DGKH: variants seen among roughly 807,000 people sequenced by gnomAD.
DGKH encodes the protein DAG kinase eta.
Under a neutral mutation model 159.3 loss-of-function variants are expected in DGKH, and 90 were observed. The ratio of observed to expected loss-of-function variants is 0.57; its 90% CI spans 0.48 to 0.67. The LOEUF is 0.67. Ranked by LOEUF, DGKH falls within the 30% of genes least tolerant of loss-of-function variation. The pLI, the probability that DGKH is intolerant of heterozygous loss-of-function variation, is 0.00. For missense variants in DGKH, 1,181 were observed against 1,506.1 expected, an observed-to-expected ratio of 0.78 and a Z score of 3.57; for synonymous variants, 536 against 553.8, an observed-to-expected ratio of 0.97 and a Z score of 0.45.
intron 1 of DGKH, among the ~76,000 whole-genome samples, chr13:42,117,891 A>G (rs1029657370): frequency 2.6e-5 from 4 of 152,128 alleles, no homozygotes; most frequent in African/African-American, 9.7e-5. Context: ...GTGAAAAGAA[A>G]CAGCCTGAAA....
intron 1 of DGKH, among the ~76,000 whole-genome samples, chr13:42,041,400 C>T (rs948280845): frequency 5.9e-5 from 9 of 152,146 alleles, no homozygotes; most frequent in Non-Finnish European, 1.5e-5. Flanking sequence ...ACCACGCCTC[C>T]GACTCCTGCC....
intron 1 of DGKH, among the ~76,000 whole-genome samples, chr13:42,126,746 C>A (rs1955178647): frequency 1.3e-5 from 2 of 152,126 alleles, no homozygotes; most frequent in Non-Finnish European, 2.9e-5. Flanking sequence ...ACCTAAAATG[C>A]CCTTCCCCCA....
chr13:42,219,705 C>T lies in DGKH; in HGVS notation c.3353C>T (p.Thr1118Ile), dbSNP rs770389136. The T allele has an allele frequency of 5.0e-6, 8 of 1,613,160 alleles. No individual in the cohort carries two copies. The South Asian group carries it at 8.8e-5, about 18-fold the overall frequency. ...NEDEEPPMDCTKRNNRSTVFR... is the reference protein window; with the variant it reads ...NEDEEPPMDCIKRNNRSTVFR... The stretch of plus-strand genomic sequence containing the variant: ...GAACAGGAACCTCCTATGGATTGCA[C>T]CAAAAGGAACAACAGAAGCACCGTA... The change falls in exon 28 of 30, where the codon ACC (threonine) becomes ATC (isoleucine). Residue 1118 changes from threonine (T) to isoleucine (I), a missense_variant. Physicochemically the swap from Thr to Ile is moderately conservative, Grantham distance 89. Coordinates refer to ENST00000337343, the MANE Select transcript of DGKH (RefSeq NM_178009.5).
intron 12 of DGKH, 22 bp downstream of exon 12, chr13:42,174,166 A>G (rs377466438): frequency 3.0e-5 from 46 of 1,543,954 alleles, no homozygotes; most frequent in Admixed American, 5.3e-5. Context: ...CCCTTTACCT[A>G]TCATTTGAAA....
chr13:42,205,642 A>G (rs1254099596), intron 20 of DGKH, among the ~76,000 whole-genome samples: 1 of 152,124 alleles, frequency 6.6e-6, no homozygotes, highest in East Asian at 1.9e-4. Flanking sequence ...GGACTGTGAG[A>G]GGGGCTAAGT....
intron 3 of DGKH, among the ~76,000 whole-genome samples, chr13:42,130,104 C>T (rs1204412459): frequency 6.6e-6 from 1 of 152,222 alleles, no homozygotes; most frequent in Non-Finnish European, 1.5e-5. Context: ...TTTCTGATCA[C>T]AGATCACATT....
intron 30 of DGKH, among the ~76,000 whole-genome samples, chr13:42,252,670 C>T (rs751724480): frequency 1.3e-5 from 2 of 152,080 alleles, no homozygotes; most frequent in African/African-American, 2.4e-5. Flanking sequence ...TGCAATTGCA[C>T]GCTAATTCTA....
At chr13:42,048,305 C>T (rs1184295877), upstream of DGKH, among the ~76,000 whole-genome samples, 1 of 150,580 alleles carries the variant, frequency 6.6e-6, no homozygotes, top group Non-Finnish European at 1.5e-5. This position sits in a 1 kb window ranked among gnomAD's most constrained non-coding sequence, Gnocchi z 6.7. Context: ...CCCCAGGGAT[C>T]GGCGTTGCCC....
intron 1 of DGKH, among the ~76,000 whole-genome samples, chr13:42,109,326 C>T (rs1017677703): frequency 2.0e-5 from 3 of 152,198 alleles, no homozygotes; most frequent in African/African-American, 7.2e-5. Flanking sequence ...AGCAGAAACT[C>T]AGTCACAGAA....
upstream of DGKH, among the ~76,000 whole-genome samples, chr13:42,047,989 G>A (rs1269108872): frequency 6.7e-6 from 1 of 148,808 alleles, no homozygotes; most frequent in Non-Finnish European, 1.5e-5. Flanking sequence ...GAACCTCCCG[G>A]AAAATGCTCT....
chr13:42,110,366 C>G (rs1009086911), intron 1 of DGKH, among the ~76,000 whole-genome samples: 1 of 152,132 alleles, frequency 6.6e-6, no homozygotes, highest in Non-Finnish European at 1.5e-5. Flanking sequence ...GTGAGGCTCT[C>G]TACTTTGCAC....
At chr13:42,222,466 C>A (rs556187593) in intron 29 of DGKH, among the ~76,000 whole-genome samples, 3 of 151,940 alleles carry the variant, frequency 2.0e-5, no homozygotes, top group Non-Finnish European at 4.4e-5. Context: ...CAACTTTAGC[C>A]ATAATAAAAT....
At chr13:42,063,963 A>G (rs1249985723) in intron 1 of DGKH, among the ~76,000 whole-genome samples, 1 of 151,766 alleles carries the variant, frequency 6.6e-6, no homozygotes, top group African/African-American at 2.4e-5. Flanking sequence ...ATATATATAT[A>G]TACTGTGGGC....
At chr13:42,141,663 T>G (rs1955563655) in intron 3 of DGKH, among the ~76,000 whole-genome samples, 1 of 152,250 alleles carries the variant, frequency 6.6e-6, no homozygotes, top group African/African-American at 2.4e-5. Flanking sequence ...TTGATGAGCA[T>G]TTTTTCATGT....
At chr13:42,127,805 G>A (rs1170158) in intron 2 of DGKH, among the ~76,000 whole-genome samples, 2 of 152,098 alleles carry the variant, frequency 1.3e-5, no homozygotes, top group Admixed American at 6.5e-5. Context: ...GTTTCATTTC[G>A]TTCTTCCTTT....
chr13:42,220,902 T>G (rs1434475395), intron 28 of DGKH, among the ~76,000 whole-genome samples: 1 of 152,240 alleles, frequency 6.6e-6, no homozygotes, highest in Non-Finnish European at 1.5e-5. Context: ...ATAGCCGTTT[T>G]CATACAGGGT....
intron 1 of DGKH, among the ~76,000 whole-genome samples, chr13:42,096,542 T>C (rs1406913429): frequency 6.6e-6 from 1 of 152,238 alleles, no homozygotes; most frequent in Non-Finnish European, 1.5e-5. Flanking sequence ...AAGTAATTTT[T>C]GAGAGACTTC....
At chr13:42,224,914 A>G (rs1253834094) in intron 29 of DGKH, among the ~76,000 whole-genome samples, 1 of 151,610 alleles carries the variant, frequency 6.6e-6, no homozygotes, top group Non-Finnish European at 1.5e-5. Context: ...ATATATATAT[A>G]TATACATATA....
intron 28 of DGKH, among the ~76,000 whole-genome samples, chr13:42,220,561 A>C (rs1424556313): frequency 6.6e-6 from 1 of 152,250 alleles, no homozygotes; most frequent in Non-Finnish European, 1.5e-5. Context: ...TGATATTCAT[A>C]AAGCAGCTAA....
Sources: allele counts gnomAD v4.1 joint callset (sites outside exome capture counted in the v4.1 genomes callset), GRCh38; gene constraint gnomAD v4.1.1; non-coding constraint Gnocchi (gnomAD v3.1); transcripts MANE v1.5; gene names NCBI Gene and HGNC (gene_info 2026-07-23, HGNC 2026-07-21).